The following ERBB4 variants were observed in gnomAD, a reference collection of about 807,000 sequenced individuals.
ERBB4 encodes receptor tyrosine-protein kinase erbB-4.
In ERBB4, 42 loss-of-function variants were observed where a neutral mutation model predicts 158.0. The observed-to-expected ratio is 0.27, with a 90% confidence interval of 0.21 to 0.34. The LOEUF (loss-of-function observed/expected upper bound fraction) is 0.34, where lower values mean the gene tolerates loss of function less well. Among genes scored for constraint, ERBB4 ranks in the 10% least tolerant of loss-of-function variants. ERBB4 has a pLI of 1.00. For missense variants in ERBB4, 1,333 were observed against 1,624.1 expected, an observed-to-expected ratio of 0.82 and a Z score of 3.08; for synonymous variants, 583 against 558.7, an observed-to-expected ratio of 1.04 and a Z score of -0.61.
At chr2:211,418,944 C>T (rs59043430) in intron 25 of ERBB4, among the ~76,000 whole-genome samples, 51,421 of 151,814 alleles carry the variant, frequency 0.34, 8,992 homozygotes, top group South Asian at 0.55. Flanking sequence ...TATTTTTTAA[C>T]AGAAAAGAAA....
intron 20 of ERBB4, among the ~76,000 whole-genome samples, chr2:211,490,574 T>C (rs1249049988): frequency 3.9e-5 from 6 of 151,996 alleles, no homozygotes; most frequent in Non-Finnish European, 7.4e-5. Flanking sequence ...ATGAGCGACC[T>C]AGAGAGAGAC....
chr2:211,572,204 A>T (rs2067748789), intron 19 of ERBB4, among the ~76,000 whole-genome samples: 1 of 152,184 alleles, frequency 6.6e-6, no homozygotes, highest in Admixed American at 6.6e-5. Flanking sequence ...AAACATACAA[A>T]ATATCAGTGG....
At chr2:212,192,112 AT>A (rs1165817516) in intron 1 of ERBB4, among the ~76,000 whole-genome samples, 12 of 134,418 alleles carry the variant, frequency 8.9e-5, no homozygotes, top group South Asian at 4.3e-4. Context: ...TATATTATAT[AT>A]TATATATATT....
intron 1 of ERBB4, among the ~76,000 whole-genome samples, chr2:212,295,861 A>G (rs2086392263): frequency 6.6e-6 from 1 of 152,056 alleles, no homozygotes; most frequent in African/African-American, 2.4e-5. Flanking sequence ...TAAATACGTG[A>G]ATTTTAGCCA....
intron 20 of ERBB4, among the ~76,000 whole-genome samples, chr2:211,472,753 T>G (rs1387019800): frequency 2.0e-5 from 3 of 152,034 alleles, no homozygotes; most frequent in African/African-American, 7.2e-5. Context: ...TTCTAGATGC[T>G]GCCTCTAACT....
At chr2:211,513,873 T>C (rs1325567276) in intron 20 of ERBB4, among the ~76,000 whole-genome samples, 4 of 152,068 alleles carry the variant, frequency 2.6e-5, no homozygotes, top group Non-Finnish European at 5.9e-5. Flanking sequence ...ATTGTACAGT[T>C]ATTGTACACA....
chr2:211,707,490 CTTTAT>C (rs933333558), intron 9 of ERBB4, among the ~76,000 whole-genome samples: 9 of 152,110 alleles, frequency 5.9e-5, no homozygotes, highest in African/African-American at 2.2e-4. Flanking sequence ...ACTGAAATCA[CTTTAT>C]TTTATCATCG....
At chr2:211,784,136 C>A (rs1188205265) in intron 4 of ERBB4, among the ~76,000 whole-genome samples, 1 of 152,188 alleles carries the variant, frequency 6.6e-6, no homozygotes, top group East Asian at 1.9e-4. Context: ...ACCATCTTAA[C>A]CACTTTTAAG....
At chr2:211,631,090 G>A (rs527849184) in intron 16 of ERBB4, among the ~76,000 whole-genome samples, 1 of 152,084 alleles carries the variant, frequency 6.6e-6, no homozygotes, top group Non-Finnish European at 1.5e-5. Flanking sequence ...AGTGTCCTGT[G>A]CATTTTAGGA....
At chr2:212,230,014 G>C (rs2083609469) in intron 1 of ERBB4, among the ~76,000 whole-genome samples, 1 of 152,218 alleles carries the variant, frequency 6.6e-6, no homozygotes, top group African/African-American at 2.4e-5. Flanking sequence ...GCCAGGTGCG[G>C]TGGTTCACGC....
chr2:212,194,806 C>T (rs542495381), intron 1 of ERBB4, among the ~76,000 whole-genome samples: 3 of 151,936 alleles, frequency 2.0e-5, no homozygotes, highest in South Asian at 4.2e-4. Flanking sequence ...TCATGGTTCT[C>T]GAAAACAATA....
At chr2:212,476,393 G>C (rs1437898829) in intron 1 of ERBB4, among the ~76,000 whole-genome samples, 2 of 151,980 alleles carry the variant, frequency 1.3e-5, no homozygotes, top group Non-Finnish European at 2.9e-5. Flanking sequence ...AGCAGTATTA[G>C]GTAAACACAC....
chr2:212,192,846 A>G (rs1017851049), intron 1 of ERBB4, among the ~76,000 whole-genome samples: 2 of 142,950 alleles, frequency 1.4e-5, no homozygotes, highest in African/African-American at 5.6e-5. Context: ...GGACCGATCA[A>G]TAGTGTGATT....
chr2:211,529,859 C>T (rs1463790242), intron 20 of ERBB4, among the ~76,000 whole-genome samples: 2 of 151,994 alleles, frequency 1.3e-5, no homozygotes, highest in Non-Finnish European at 2.9e-5. Context: ...TTATAAAAGG[C>T]ATATATGACA....
At chr2:212,188,042 T>C (rs191909487) in intron 1 of ERBB4, among the ~76,000 whole-genome samples, 45 of 152,270 alleles carry the variant, frequency 3.0e-4, no homozygotes, top group African/African-American at 9.1e-4. Flanking sequence ...AATTTGAATT[T>C]AGCACTTCTT....
intron 2 of ERBB4, among the ~76,000 whole-genome samples, chr2:212,080,366 T>G (rs1358625784): frequency 1.3e-5 from 2 of 150,510 alleles, no homozygotes; most frequent in East Asian, 3.9e-4. Context: ...CCAAATCTAG[T>G]ATGTCTCAAT....
chr2:211,707,828 A>G (rs1251990305), intron 9 of ERBB4, among the ~76,000 whole-genome samples: 1 of 152,158 alleles, frequency 6.6e-6, no homozygotes, highest in East Asian at 1.9e-4. Flanking sequence ...ATATATTAAA[A>G]TTTTAATTGA....
intron 3 of ERBB4, among the ~76,000 whole-genome samples, chr2:211,942,003 C>G (rs1466662444): frequency 1.3e-5 from 2 of 152,106 alleles, no homozygotes; most frequent in African/African-American, 2.4e-5. Context: ...ATCTGAGTCT[C>G]AGAGAGACAC....
intron 19 of ERBB4, among the ~76,000 whole-genome samples, chr2:211,613,330 G>C (rs1188064830): frequency 6.6e-6 from 1 of 151,982 alleles, no homozygotes. Context: ...ATGTGAGATA[G>C]GAAGCACTGA....
Sources: allele counts gnomAD v4.1 joint callset (sites outside exome capture counted in the v4.1 genomes callset), GRCh38; gene constraint gnomAD v4.1.1; transcripts MANE v1.5; gene names NCBI Gene and HGNC (gene_info 2026-07-23, HGNC 2026-07-21).